The following PID1 variants were observed in gnomAD, a reference collection of about 807,000 sequenced individuals.
PID1 encodes the protein PTB-containing, cubilin and LRP1-interacting protein.
In PID1, 10 loss-of-function variants were observed where a neutral mutation model predicts 19.1. The observed-to-expected ratio is 0.52, with a 90% CI of 0.32 to 0.89. The LOEUF is 0.89. Among genes scored for constraint, PID1 ranks in the 40% least tolerant of loss-of-function variants. The pLI is 0.03. For synonymous variants in PID1, 130 were observed against 116.0 expected, an observed-to-expected ratio of 1.12 and a Z score of -0.78; for missense variants, 248 against 285.3, an observed-to-expected ratio of 0.87 and a Z score of 0.94.
chr2:229,116,484 T>C (rs1695413877), intron 2 of PID1, among the ~76,000 whole-genome samples: 1 of 152,078 alleles, frequency 6.6e-6, no homozygotes, highest in Non-Finnish European at 1.5e-5. Flanking sequence ...GCTCCCATAA[T>C]TCCCATGTGT....
At chr2:229,256,256 C>A (rs1425087398) in intron 1 of PID1, among the ~76,000 whole-genome samples, 3 of 152,098 alleles carry the variant, frequency 2.0e-5, no homozygotes, top group Non-Finnish European at 4.4e-5. Flanking sequence ...AAATTCAAGC[C>A]CTCCGTGATC....
intron 1 of PID1, among the ~76,000 whole-genome samples, chr2:229,256,821 C>T (rs542511699): frequency 6.6e-6 from 1 of 152,284 alleles, no homozygotes; most frequent in African/African-American, 2.4e-5. Context: ...TAGTCCATAT[C>T]TCAATTAACA....
intron 2 of PID1, among the ~76,000 whole-genome samples, chr2:229,033,563 G>A (rs1228118538): frequency 6.6e-6 from 1 of 152,106 alleles, no homozygotes; most frequent in East Asian, 1.9e-4. Flanking sequence ...AGAGCATTAG[G>A]AGAAATATCT....
At chr2:229,262,954 A>T in intron 1 of PID1, 1 of 1,390,846 alleles carries the variant, frequency 7.2e-7, no homozygotes, top group Non-Finnish European at 9.4e-7. Context: ...ACCTCATCTT[A>T]ACTTGCTTAC....
chr2:229,054,732 G>GA (rs1694064828), intron 2 of PID1, among the ~76,000 whole-genome samples: 18 of 102,656 alleles, frequency 1.8e-4, no homozygotes, highest in African/African-American at 6.8e-4. Flanking sequence ...GGGGGGGGGG[G>GA]GGTCTGGTTT....
At chr2:229,229,809 T>G (rs973385233) in intron 1 of PID1, among the ~76,000 whole-genome samples, 3 of 152,188 alleles carry the variant, frequency 2.0e-5, no homozygotes, top group Middle Eastern at 3.2e-3. Context: ...TGGAGCTGGG[T>G]TTCACCTACA....
chr2:229,238,312 A>T (rs372645566), intron 1 of PID1, among the ~76,000 whole-genome samples: 4 of 152,112 alleles, frequency 2.6e-5, no homozygotes, highest in East Asian at 3.9e-4. Flanking sequence ...AAATCATCCA[A>T]CTTTATACTA....
rs768262534 is a variant in PID1, at chr2:229,025,664, C to T, written c.622G>A (p.Val208Ile). Reference sequence around the variant, plus strand: ...TCATCGGATTCCAATTCCTGGGAAACCTCTTCGGAGGAGCTGTTGCTGTGG... The same window carrying T: ...TCATCGGATTCCAATTCCTGGGAAATCTCTTCGGAGGAGCTGTTGCTGTGG... ...RIHSNSSSEE[V>I]SQELESDDG Residue 208 changes from valine (V) to isoleucine (I), a missense_variant, in exon 3 of 3, where the codon GTT (valine) becomes ATT (isoleucine). Coordinates refer to ENST00000392055, the MANE Select transcript of PID1 (RefSeq NM_001100818.2). 1 of 1,612,270 alleles carries T rather than the reference C, an allele frequency of 6.2e-7. No individual in the cohort carries two copies. The highest frequency in any genetic ancestry group is 8.5e-7 in the Non-Finnish European group (1 of 1,178,374).
At chr2:229,211,477 C>T (rs373632167) in intron 1 of PID1, among the ~76,000 whole-genome samples, 2 of 152,010 alleles carry the variant, frequency 1.3e-5, no homozygotes, top group Admixed American at 6.6e-5. Context: ...ACAGACTACA[C>T]GAGTAAAATT....
In PID1 at chr2:229,024,286, G is replaced by A. The variant is rs995370077; in HGVS notation, c.*1346C>T. The A allele has an allele frequency of 1.3e-5, 2 of 152,508 alleles. No homozygotes were observed. Among genetic ancestry groups the A allele is most frequent in the African/African-American group, 2.4e-5 (1 of 41,442 alleles). 9.4% of individuals were successfully genotyped at this position (152,508 alleles called of 1,614,324 possible). A position where few individuals can be genotyped will look rare whatever the true frequency, so the allele number is the denominator to read the frequency against. ...GCCGCAGTGCCCCTAATATTACCAG[G>A]ATTGAAAACAGACTTTTAGGAAGGA... On this transcript the variant is annotated 3_prime_UTR_variant, in exon 3 of 3. Transcript: ENST00000392055.
intron 1 of PID1, among the ~76,000 whole-genome samples, chr2:229,219,063 A>C (rs1215614892): frequency 6.6e-6 from 1 of 152,182 alleles, no homozygotes; most frequent in Non-Finnish European, 1.5e-5. Context: ...CCCAAGCTTC[A>C]GTTGATGGTA....
intron 1 of PID1, among the ~76,000 whole-genome samples, chr2:229,197,384 T>A (rs983003907): frequency 6.6e-6 from 1 of 152,032 alleles, no homozygotes; most frequent in Non-Finnish European, 1.5e-5. Context: ...ACACCTTCTA[T>A]CCAGTGAAGT....
chr2:229,255,692 C>T (rs1045613811), intron 1 of PID1, among the ~76,000 whole-genome samples: 5 of 152,074 alleles, frequency 3.3e-5, no homozygotes, highest in Non-Finnish European at 5.9e-5. Context: ...AGTTGCCTGG[C>T]GTGGGATATG....
chr2:229,218,474 G>A (rs1427136143), intron 1 of PID1, among the ~76,000 whole-genome samples: 1 of 152,082 alleles, frequency 6.6e-6, no homozygotes, highest in Admixed American at 6.6e-5. Context: ...AATCAATAAT[G>A]GAACCAAGCT....
intron 1 of PID1, chr2:229,231,924 A>T (rs1692217555): frequency 6.5e-7 from 1 of 1,550,320 alleles, no homozygotes; most frequent in African/African-American, 1.4e-5. Context: ...TGATTTTCTC[A>T]CCGTTCCGGA....
chr2:229,112,854 C>T (rs187222540), intron 2 of PID1, among the ~76,000 whole-genome samples: 290 of 152,174 alleles, frequency 1.9e-3, no homozygotes, highest in African/African-American at 6.4e-3. Flanking sequence ...TGGGGAATGA[C>T]AAAACCCTAA....
At chr2:229,216,800 ATGT>A (rs1386308468) in intron 1 of PID1, among the ~76,000 whole-genome samples, 1 of 152,168 alleles carries the variant, frequency 6.6e-6, no homozygotes, top group Non-Finnish European at 1.5e-5. Flanking sequence ...GCTGCAAATG[ATGT>A]TATTACTGTC....
chr2:229,024,706 C>T lies in PID1; in HGVS notation c.*926G>A, dbSNP rs1693372446. The T allele has an allele frequency of 6.6e-6, 1 of 152,600 alleles. No homozygotes were observed. Among genetic ancestry groups the T allele is most frequent in the African/African-American group, 2.4e-5 (1 of 41,438 alleles). 9.5% of individuals were successfully genotyped at this position (152,600 alleles called of 1,614,324 possible). A position where few individuals can be genotyped will look rare whatever the true frequency, so the allele number is the denominator to read the frequency against. Reference sequence around the variant, plus strand: ...ACAGGACCATTAATTAAATAAGTTACCATAAATCTCAGCTGGATAAAAGGA... The same window carrying T: ...ACAGGACCATTAATTAAATAAGTTATCATAAATCTCAGCTGGATAAAAGGA... On this transcript the variant is annotated 3_prime_UTR_variant, in exon 3 of 3. Coordinates refer to ENST00000392055, the MANE Select transcript of PID1 (RefSeq NM_001100818.2).
chr2:229,069,208 A>T (rs1694401192), intron 2 of PID1, among the ~76,000 whole-genome samples: 2 of 149,744 alleles, frequency 1.3e-5, no homozygotes, highest in African/African-American at 4.9e-5. Context: ...GGTCAGGTAG[A>T]AAAATTACAT....
Sources: gnomAD v4.1 joint callset for allele counts (sites outside exome capture counted in the v4.1 genomes callset) on GRCh38, gnomAD v4.1.1 for gene constraint, MANE v1.5 for transcripts, NCBI Gene and HGNC (gene_info 2026-07-23, HGNC 2026-07-21) for gene names.